The following LRRC8C variants were observed in gnomAD, a reference collection of about 807,000 sequenced individuals.
The protein encoded by LRRC8C is leucine rich repeat containing 8 VRAC subunit C.
Under a neutral mutation model 55.3 loss-of-function variants are expected in LRRC8C, and 20 were observed. The observed-to-expected ratio is 0.36, with a 90% CI of 0.25 to 0.53. The LOEUF (loss-of-function observed/expected upper bound fraction) is 0.53, where lower values mean the gene tolerates loss of function less well. Ranked by LOEUF, LRRC8C falls within the 20% of genes least tolerant of loss-of-function variation. LRRC8C has a pLI of 0.92. For missense variants in LRRC8C, 659 were observed against 951.4 expected (o/e 0.69, Z 4.04); for synonymous variants, 376 against 360.7 (o/e 1.04, Z -0.48).
chr1:89,660,375 C>T (rs10801766), intron 1 of LRRC8C, among the ~76,000 whole-genome samples: 53,443 of 151,820 alleles, frequency 0.35, 9,419 homozygotes, highest in African/African-American at 0.4. Flanking sequence ...TTGAGGACCT[C>T]TAAAACAAAA....
intron 1 of LRRC8C, among the ~76,000 whole-genome samples, chr1:89,645,367 T>C (rs553256559): frequency 6.6e-6 from 1 of 151,626 alleles, no homozygotes; most frequent in South Asian, 2.1e-4. Flanking sequence ...CACAGAGCCA[T>C]AATGGCATGT....
upstream of LRRC8C, among the ~76,000 whole-genome samples, chr1:89,630,039 G>A (rs914483003): frequency 2.6e-5 from 4 of 152,098 alleles, no homozygotes; most frequent in Admixed American, 6.5e-5. Flanking sequence ...GCGTGGTGGC[G>A]GGCACCTGTA....
At chr1:89,706,367 G>A (rs1379613255) in intron 2 of LRRC8C, 2 of 455,870 alleles carry the variant, frequency 4.4e-6, no homozygotes, top group Non-Finnish European at 8.8e-6. Context: ...TCTCATTCAT[G>A]CAAATGTGGT....
chr1:89,703,474 GT>G, intron 2 of LRRC8C, among the ~76,000 whole-genome samples: 1 of 149,758 alleles, frequency 6.7e-6, no homozygotes, highest in East Asian at 2.0e-4. Flanking sequence ...CCAGGGAGAA[GT>G]TATAGGATCT....
chr1:89,714,816 G>A lies in LRRC8C; in HGVS notation c.2246G>A (p.Gly749Glu). 1 of 1,614,002 alleles carries A rather than the reference G, an allele frequency of 6.2e-7. No homozygotes were observed. The highest frequency in any genetic ancestry group is 8.5e-7 in the Non-Finnish European group (1 of 1,179,984). ...CTATCTGTACTTTCACCGAAAATTG[G>A]AAATTTGCTATTTCTTTCCTACTTA... ...NSLSVLSPKI[G>E]NLLFLSYLDV... is the part of the protein sequence containing the mutation. Residue 749 changes from glycine to glutamate, a missense_variant, in exon 3 of 3, where the codon GGA (glycine) becomes GAA (glutamate). Coordinates refer to ENST00000370454, the MANE Select transcript of LRRC8C (RefSeq NM_032270.5). This position sits in a 1 kb window ranked among gnomAD's most constrained non-coding sequence, Gnocchi z 4.6.
chr1:89,681,252 A>G (rs764681500), intron 1 of LRRC8C, among the ~76,000 whole-genome samples: 7 of 152,220 alleles, frequency 4.6e-5, no homozygotes, highest in Non-Finnish European at 8.8e-5. Flanking sequence ...TCACTTTTTC[A>G]GAGGAACTGA....
Position 89,668,148 on chromosome 1 carries a change from A to G in LRRC8C, c.-4-18322A>G, listed in dbSNP as rs375788914. 23 of 152,690 alleles carry G rather than the reference A, an allele frequency of 1.5e-4. 1 individual carries two copies. The highest frequency in any genetic ancestry group is 6.8e-3 in the Middle Eastern group (2 of 294). 9.5% of individuals were successfully genotyped at this position (152,690 alleles called of 1,614,324 possible). A position where few individuals can be genotyped will look rare whatever the true frequency, so the allele number is the denominator to read the frequency against. The stretch of plus-strand genomic sequence containing the variant: ...CACTGTCCTTCTGTTTTGATTTGGT[A>G]TACATTTCCCAGCATTCAAATTCTC... On this transcript the variant is annotated intron_variant, in intron 1 of 2. Transcript: ENST00000370454.
At chr1:89,683,788 G>A (rs538792744) in intron 1 of LRRC8C, among the ~76,000 whole-genome samples, 4 of 152,130 alleles carry the variant, frequency 2.6e-5, no homozygotes, top group Non-Finnish European at 4.4e-5. Context: ...AAGGATACTC[G>A]TCCCTTTTCC....
chr1:89,685,691 C>T (rs1054590279), intron 1 of LRRC8C, among the ~76,000 whole-genome samples: 1 of 152,090 alleles, frequency 6.6e-6, no homozygotes, highest in Non-Finnish European at 1.5e-5. Context: ...TTCCCAGAGC[C>T]GTGGGTGCAC....
intron 1 of LRRC8C, among the ~76,000 whole-genome samples, chr1:89,673,551 G>A (rs905704398): frequency 2.6e-5 from 4 of 152,152 alleles, no homozygotes; most frequent in Admixed American, 6.5e-5. Flanking sequence ...TAGCTGATGA[G>A]CTTTATATTT....
chr1:89,649,698 C>T (rs1424819566), intron 1 of LRRC8C, among the ~76,000 whole-genome samples: 1 of 152,148 alleles, frequency 6.6e-6, no homozygotes, highest in Non-Finnish European at 1.5e-5. Flanking sequence ...AACATTCTTT[C>T]AGGCACTATT....
intron 1 of LRRC8C, among the ~76,000 whole-genome samples, chr1:89,659,057 T>TGTGTG (rs1166109211): frequency 1.2e-5 from 1 of 81,618 alleles, no homozygotes; most frequent in African/African-American, 4.8e-5. Flanking sequence ...GGTTTTTTTT[T>TGTGTG]TTTTTGTGTG....
chr1:89,671,111 G>A (rs547262635), intron 1 of LRRC8C, among the ~76,000 whole-genome samples: 6 of 151,992 alleles, frequency 3.9e-5, no homozygotes, highest in South Asian at 2.1e-4. Flanking sequence ...GGAGTGCAGT[G>A]GCTATTCATG....
chr1:89,666,533 A>AT (rs1487977404), intron 1 of LRRC8C, among the ~76,000 whole-genome samples: 2 of 152,078 alleles, frequency 1.3e-5, no homozygotes, highest in African/African-American at 4.8e-5. Context: ...GTCCTTTTCC[A>AT]GCTCCATGCA....
chr1:89,616,754 T>C, the LRRC8C span, among the ~76,000 whole-genome samples: 1 of 152,158 alleles, frequency 6.6e-6, no homozygotes, highest in East Asian at 1.9e-4. Flanking sequence ...AAGTTTAAAT[T>C]TGGACTCAGA....
intron 2 of LRRC8C, among the ~76,000 whole-genome samples, chr1:89,693,762 T>C (rs1156849804): frequency 7.0e-6 from 1 of 143,064 alleles, no homozygotes; most frequent in Non-Finnish European, 1.5e-5. Context: ...GTTCAAGCAA[T>C]TCTCATACCT....
the LRRC8C span, among the ~76,000 whole-genome samples, chr1:89,616,898 A>C: frequency 6.6e-6 from 1 of 152,188 alleles, no homozygotes; most frequent in Non-Finnish European, 1.5e-5. Flanking sequence ...AACTTATGCT[A>C]TATGTGTCTT....
chr1:89,683,320 A>C (rs1378249308), intron 1 of LRRC8C, among the ~76,000 whole-genome samples: 1 of 151,926 alleles, frequency 6.6e-6, no homozygotes, highest in Non-Finnish European at 1.5e-5. Context: ...TTACAAAATC[A>C]TGCATGTGTA....
At chr1:89,672,276 A>G (rs6656884) in intron 1 of LRRC8C, among the ~76,000 whole-genome samples, 92,067 of 151,922 alleles carry the variant, frequency 0.61, 28,249 homozygotes, top group South Asian at 0.74. Context: ...AGGTCCTAAC[A>G]TATACTGTCA....
Sources: gnomAD v4.1 joint callset for allele counts (sites outside exome capture counted in the v4.1 genomes callset) on GRCh38, gnomAD v4.1.1 for gene constraint, Gnocchi (gnomAD v3.1) non-coding constraint, MANE v1.5 for transcripts, NCBI Gene and HGNC (gene_info 2026-07-23, HGNC 2026-07-21) for gene names.